Variants in PRRC1 observed in about 807,000 individuals in gnomAD.
PRRC1 encodes the protein protein PRRC1.
Under a neutral mutation model 40.7 loss-of-function variants are expected in PRRC1, and 39 were observed. The observed-to-expected ratio is 0.96, with a 90% CI of 0.74 to 1.25. The LOEUF (loss-of-function observed/expected upper bound fraction) is 1.25. PRRC1 is among the 50% of genes most tolerant of loss of function. The pLI is 0.00. For synonymous variants in PRRC1, 175 were observed against 193.3 expected (o/e 0.91, Z 0.79); for missense variants, 573 against 548.3 (o/e 1.05, Z -0.45).
chr5:127,526,811 C>A (rs773713485), intron 4 of PRRC1, 33 bp downstream of exon 4: 3 of 1,476,576 alleles, frequency 2.0e-6, no homozygotes, highest in Non-Finnish European at 9.1e-7. Flanking sequence ...GTTTAATTTT[C>A]TAATTATAAA....
intron 7 of PRRC1, among the ~76,000 whole-genome samples, chr5:127,546,743 T>A (rs1339307153): frequency 1.3e-5 from 2 of 152,172 alleles, no homozygotes; most frequent in Non-Finnish European, 2.9e-5. Context: ...ATAGAGATTA[T>A]TGTCTGCAAA....
intron 5 of PRRC1, among the ~76,000 whole-genome samples, chr5:127,531,622 T>C (rs1415148284): frequency 4.5e-4 from 28 of 62,378 alleles, no homozygotes; most frequent in African/African-American, 1.5e-3. Flanking sequence ...TTCTTCTTTT[T>C]TTTTTTTTTT....
chr5:127,531,010 A>T (rs1253802556), intron 5 of PRRC1, among the ~76,000 whole-genome samples: 1 of 152,202 alleles, frequency 6.6e-6, no homozygotes, highest in Non-Finnish European at 1.5e-5. Context: ...ATTATTAGTA[A>T]TTCTGTAAAA....
rs915559106 is a variant in PRRC1 at position 127,524,592 on chromosome 5, A to G, written c.165A>G (p.Ala55=). The G allele has an allele frequency of 6.2e-7, 1 of 1,613,938 alleles. No homozygotes were observed. The highest frequency in any genetic ancestry group is 8.5e-7 in the Non-Finnish European group (1 of 1,179,998). The part of the protein sequence containing the change: ...VSSMESFPPL[A]YSTPQPPLPP... ...CCATGGAGTCCTTCCCACCACTCGC[A>G]TACTCTACTCCTCAGCCGCCCCTTC... Residue 55 remains alanine (A), a synonymous_variant, in exon 3 of 9, where the codon GCA becomes GCG. Coordinates refer to ENST00000296666, the MANE Select transcript of PRRC1 (RefSeq NM_130809.5).
chr5:127,526,061 T>C (rs1767605556), intron 3 of PRRC1, among the ~76,000 whole-genome samples: 1 of 152,220 alleles, frequency 6.6e-6, no homozygotes, highest in African/African-American at 2.4e-5. Context: ...AAATGAGTTA[T>C]CAAAACTTCG....
chr5:127,552,705 T>C lies in PRRC1; in HGVS notation c.*789T>C. The C allele has an allele frequency of 3.1e-6, 3 of 982,758 alleles. No homozygotes were observed. Among genetic ancestry groups the C allele is most frequent in the Non-Finnish European group, 3.6e-6 (3 of 827,080 alleles). The allele number at this position is 982,758 out of a possible 1,614,324, so 60.9% of individuals were successfully genotyped here. A position where few individuals can be genotyped will look rare whatever the true frequency, so the allele number is the denominator to read the frequency against. ...ATTTTTGTATAATACTGTTCAGTAC[T>C]TCCAAGAATAAGCTCTGACAACAGC... On this transcript the variant is annotated 3_prime_UTR_variant, in exon 9 of 9. Coordinates refer to ENST00000296666, the MANE Select transcript of PRRC1 (RefSeq NM_130809.5).
intron 4 of PRRC1, among the ~76,000 whole-genome samples, chr5:127,527,616 C>T (rs1767653857): frequency 6.6e-6 from 1 of 151,840 alleles, no homozygotes; most frequent in Non-Finnish European, 1.5e-5. Context: ...AAAAATTAGC[C>T]AGGCATTGTA....
intron 6 of PRRC1, among the ~76,000 whole-genome samples, chr5:127,536,676 T>C (rs1767911757): frequency 6.6e-6 from 1 of 152,100 alleles, no homozygotes; most frequent in African/African-American, 2.4e-5. Context: ...TTGGTAACCT[T>C]ATTTGATGGA....
At chr5:127,520,642 G>A (rs777313936) in intron 1 of PRRC1, among the ~76,000 whole-genome samples, 2 of 152,152 alleles carry the variant, frequency 1.3e-5, no homozygotes, top group Non-Finnish European at 2.9e-5. Flanking sequence ...TGTTTGCCAG[G>A]GCTTATGGTT....
intron 7 of PRRC1, among the ~76,000 whole-genome samples, chr5:127,540,237 TA>T (rs1768005549): frequency 6.6e-6 from 1 of 152,122 alleles, no homozygotes; most frequent in South Asian, 2.1e-4. Flanking sequence ...CATTTTTTTT[TA>T]TTAACCTGTT....
intron 7 of PRRC1, among the ~76,000 whole-genome samples, chr5:127,543,078 A>C (rs1170063373): frequency 6.6e-6 from 1 of 150,714 alleles, no homozygotes; most frequent in Non-Finnish European, 1.5e-5. Flanking sequence ...GTGGTGACAA[A>C]ATCTCTCAGC....
At chr5:127,541,328 A>G (rs897580832) in intron 7 of PRRC1, among the ~76,000 whole-genome samples, 8 of 152,148 alleles carry the variant, frequency 5.3e-5, no homozygotes, top group African/African-American at 1.9e-4. Context: ...TATTGGTCTA[A>G]AATTCTCTTT....
chr5:127,540,990 TATG>T (rs1768028363), intron 7 of PRRC1, among the ~76,000 whole-genome samples: 1 of 152,204 alleles, frequency 6.6e-6, no homozygotes, highest in African/African-American at 2.4e-5. Context: ...GCCCATTCAG[TATG>T]ATATTGGCTG....
intron 6 of PRRC1, among the ~76,000 whole-genome samples, chr5:127,538,758 ACAAT>A (rs1451366010): frequency 6.6e-6 from 1 of 152,108 alleles, no homozygotes; most frequent in Non-Finnish European, 1.5e-5. Context: ...TTTAACAGTA[ACAAT>A]CAATGAGAAA....
intron 4 of PRRC1, among the ~76,000 whole-genome samples, chr5:127,529,612 G>A (rs1467802540): frequency 6.6e-6 from 1 of 152,174 alleles, no homozygotes. Context: ...CATCTCAGGA[G>A]GCACTGCTCC....
In PRRC1 at chr5:127,553,973, C is replaced by G. The variant is rs1768461100; in HGVS notation, c.*2057C>G. ...AAATACATGAACTGCTCTGGCCTCT[C>G]TGGTTCTGTTCTTGGCCCAGAGTTT... On this transcript the variant is annotated 3_prime_UTR_variant, in exon 9 of 9. Coordinates refer to ENST00000296666, the MANE Select transcript of PRRC1 (RefSeq NM_130809.5). 2.0e-6 allele frequency: 3 copies of G among 1,465,450 alleles called. No individual in the cohort carries two copies. The highest frequency in any genetic ancestry group is 2.6e-5 in the South Asian group (2 of 78,300). 90.8% of individuals were successfully genotyped at this position (1,465,450 alleles called of 1,614,324 possible).
At chr5:127,532,972 A>T (rs899192101) in intron 5 of PRRC1, among the ~76,000 whole-genome samples, 5 of 152,328 alleles carry the variant, frequency 3.3e-5, no homozygotes, top group Admixed American at 2.0e-4. Flanking sequence ...TCTGTCTAGA[A>T]ATAGTAGTAC....
chr5:127,542,221 G>A (rs1047275419), intron 7 of PRRC1, among the ~76,000 whole-genome samples: 12 of 152,276 alleles, frequency 7.9e-5, no homozygotes, highest in African/African-American at 2.4e-4. Context: ...TAGTTTGATT[G>A]CACTGTGGTC....
In PRRC1 at chr5:127,553,865, C is replaced by G; in HGVS notation, c.*1949C>G. 14 of 1,535,730 alleles carry G rather than the reference C, an allele frequency of 9.1e-6. No individual in the cohort carries two copies. Among genetic ancestry groups the G allele is most frequent in the Non-Finnish European group, 1.2e-5 (14 of 1,146,648 alleles). ...GGCTTGGTTGAAGCTAGAAATTTTC[C>G]TGCCCCTGGTGACCTGGTAAGCCTC... On this transcript the variant is annotated 3_prime_UTR_variant, in exon 9 of 9. Coordinates refer to ENST00000296666, the MANE Select transcript of PRRC1 (RefSeq NM_130809.5).
Sources: allele counts gnomAD v4.1 joint callset (sites outside exome capture counted in the v4.1 genomes callset), GRCh38; gene constraint gnomAD v4.1.1; transcripts MANE v1.5; gene names NCBI Gene and HGNC (gene_info 2026-07-23, HGNC 2026-07-21).